Variants in DNM2 observed in about 807,000 individuals in gnomAD.
The protein encoded by DNM2 is dynamin-2.
A neutral mutation model predicts 99.0 loss-of-function variants in DNM2; 15 were observed. That is an observed-to-expected ratio of 0.15 (90% CI 0.10 to 0.23). DNM2 has a LOEUF of 0.23. Among genes scored for constraint, DNM2 ranks in the 10% least tolerant of loss-of-function variants. DNM2 has a pLI of 1.00. For missense variants in DNM2, 742 were observed against 1,189.4 expected (o/e 0.62, Z 5.53); for synonymous variants, 525 against 481.2 (o/e 1.09, Z -1.19).
At chr19:10,757,306 G>A (rs2070425492) in intron 1 of DNM2, among the ~76,000 whole-genome samples, 1 of 152,214 alleles carries the variant, frequency 6.6e-6, no homozygotes, top group South Asian at 2.1e-4. Flanking sequence ...AGAAGTGGTG[G>A]GACAGCCCCC....
chr19:10,797,535 T>G lies in DNM2; in HGVS notation c.1335+17T>G. 1 of 1,613,940 alleles carries G rather than the reference T, an allele frequency of 6.2e-7. No homozygotes were observed. The highest frequency in any genetic ancestry group is 1.1e-5 in the South Asian group (1 of 91,080). ...GCCGAGAAGGTAACAGGTTTTGTTC[T>G]CATCTCCGCATTTGTCCCCGTCCTC... On this transcript the variant is annotated intron_variant, in intron 10 of 20. Coordinates refer to ENST00000389253, the MANE Select transcript of DNM2 (RefSeq NM_001005361.3).
rs765065701 is a variant in DNM2, at chr19:10,817,497, G to A, written c.1672-2483G>A. ...CAGGTAGTCTGAACACTGGGTTGGC[G>A]GGGCCGGCTATCCATCCTGCAGAAC... is the stretch of plus-strand genomic sequence containing the variant. On this transcript the variant is annotated intron_variant, in intron 15 of 20. Coordinates refer to ENST00000389253, the MANE Select transcript of DNM2 (RefSeq NM_001005361.3). This position sits in a 1 kb window ranked among gnomAD's most constrained non-coding sequence, Gnocchi z 4.6. The A allele has an allele frequency of 1.7e-5, 8 of 460,200 alleles. No homozygotes were observed. Among genetic ancestry groups the A allele is most frequent in the African/African-American group, 6.2e-5 (3 of 48,486 alleles). The allele number at this position is 460,200 out of a possible 1,614,324, so 28.5% of individuals were successfully genotyped here. A position where few individuals can be genotyped will look rare whatever the true frequency, so the allele number is the denominator to read the frequency against.
chr19:10,795,246 T>G lies in DNM2; in HGVS notation c.1129-126T>G. ...AGTTTTCAATTTTTTAAATAAAATT[T>G]TGACGAGTTAAATATTCTGCCTTGT... On this transcript the variant is annotated intron_variant, in intron 8 of 20. Transcript: ENST00000389253. This position sits in a 1 kb window ranked among gnomAD's most constrained non-coding sequence, Gnocchi z 4.2. The G allele has an allele frequency of 1.1e-6, 1 of 893,708 alleles. No homozygotes were observed. Among genetic ancestry groups the G allele is most frequent in the Non-Finnish European group, 1.8e-6 (1 of 546,150 alleles). 55.4% of individuals were successfully genotyped at this position (893,708 alleles called of 1,614,324 possible). A position where few individuals can be genotyped will look rare whatever the true frequency, so the allele number is the denominator to read the frequency against.
chr19:10,749,464 G>C (rs1371462629), intron 1 of DNM2, among the ~76,000 whole-genome samples: 1 of 152,206 alleles, frequency 6.6e-6, no homozygotes, highest in Non-Finnish European at 1.5e-5. Flanking sequence ...CCACTTTAGA[G>C]CTCTGAAACC....
At chr19:10,786,279 C>T in intron 6 of DNM2, among the ~76,000 whole-genome samples, 1 of 152,246 alleles carries the variant, frequency 6.6e-6, no homozygotes, top group African/African-American at 2.4e-5. Flanking sequence ...ACTGTCCTTG[C>T]AAGCTGTTGC....
At chr19:10,748,453 G>A (rs1400198816) in intron 1 of DNM2, among the ~76,000 whole-genome samples, 1 of 152,200 alleles carries the variant, frequency 6.6e-6, no homozygotes, top group African/African-American at 2.4e-5. Flanking sequence ...CAGGGATGCA[G>A]TGGCACCTAC....
intron 12 of DNM2, chr19:10,803,805 T>A: frequency 3.4e-6 from 2 of 587,592 alleles, no homozygotes; most frequent in Non-Finnish European, 4.3e-6. Flanking sequence ...CCAGGGCCAG[T>A]GCTGGGCCTC....
At chr19:10,787,595 G>A (rs940766611) in intron 7 of DNM2, among the ~76,000 whole-genome samples, 2 of 144,186 alleles carry the variant, frequency 1.4e-5, no homozygotes, top group Admixed American at 1.4e-4. Context: ...TCTACTCAAC[G>A]TACAAAAAAA....
intron 15 of DNM2, 96 bp from the exon 16 acceptor site, chr19:10,819,884 C>G: frequency 1.8e-6 from 2 of 1,135,838 alleles, no homozygotes; most frequent in Non-Finnish European, 2.7e-6. Flanking sequence ...GAGAAGCCCC[C>G]GGGGCTGGTG....
rs1228509945 is a variant in DNM2, at chr19:10,817,806, T to C, written c.1672-2174T>C. Among the ~76,000 whole-genome samples, 7 of 133,182 alleles carry C rather than the reference T, an allele frequency of 5.3e-5. No individual in the cohort carries two copies. Among genetic ancestry groups the C allele is most frequent in the Non-Finnish European group, 1.0e-4 (6 of 59,614 alleles). The allele number at this position is 133,182 out of a possible 152,430, so 87.4% of individuals were successfully genotyped here. ...GAGGAGGGGCGCACACACACGTGTG[T>C]GTGTGTGTGTGCGCGCGCGCGCACG... On this transcript the variant is annotated intron_variant, in intron 15 of 20. Transcript: ENST00000389253. The surrounding 1 kb of genome is among the most constrained non-coding windows in gnomAD (Gnocchi z 4.6).
In DNM2 at chr19:10,786,612, C is replaced by T; in HGVS notation, c.898C>T (p.Leu300=). The change falls in exon 7 of 21, where the codon CTA becomes TTA. Residue 300 remains leucine (L), a synonymous_variant. Transcript: ENST00000389253. ...GTCGCTGCCGGCCCTACGTAGCAAA[C>T]TACAGAGCCAGCTGCTGTCCCTGGA... ...RESLPALRSK[L]QSQLLSLEKE... 6.2e-7 allele frequency: 1 copy of T among 1,614,162 alleles called. No individual in the cohort carries two copies. The highest frequency in any genetic ancestry group is 8.5e-7 in the Non-Finnish European group (1 of 1,180,030).
chr19:10,799,534 G>GTTTTT (rs897961120), intron 11 of DNM2, among the ~76,000 whole-genome samples: 1 of 106,520 alleles, frequency 9.4e-6, no homozygotes, highest in Non-Finnish European at 1.9e-5. Context: ...GTGGTTTTTT[G>GTTTTT]TTTTTTTTTT....
chr19:10,810,843 C>G (rs555720251), intron 14 of DNM2: 1 of 152,974 alleles, frequency 6.5e-6, no homozygotes, highest in Admixed American at 6.5e-5. Context: ...CCACCCCGCT[C>G]CCCCCGGGTG....
chr19:10,819,275 A>G (rs1299816963), intron 15 of DNM2, among the ~76,000 whole-genome samples: 1 of 152,174 alleles, frequency 6.6e-6, no homozygotes, highest in Admixed American at 6.5e-5. Flanking sequence ...ATAATAATAA[A>G]GAAAGGGAGT....
intron 16 of DNM2, among the ~76,000 whole-genome samples, chr19:10,822,493 T>C (rs977568182): frequency 6.6e-6 from 1 of 151,770 alleles, no homozygotes; most frequent in African/African-American, 2.4e-5. Context: ...GCCTAAACTT[T>C]ACAAAAATTT....
At chr19:10,755,000 G>A (rs966625944) in intron 1 of DNM2, 4 of 152,342 alleles carry the variant, frequency 2.6e-5, no homozygotes, top group African/African-American at 4.8e-5. Flanking sequence ...TCCATTTCCC[G>A]AAAGGGAACC....
chr19:10,757,174 G>C lies in DNM2; in HGVS notation c.162-2564G>C, dbSNP rs370031773. ...CCTGCTCTGCCAGCAGCGCCCCTGGGGGGTCTTCGTAGCCCTGTTGCCCAT... is the reference window on the plus strand; with the variant it reads ...CCTGCTCTGCCAGCAGCGCCCCTGGCGGGTCTTCGTAGCCCTGTTGCCCAT... On this transcript the variant is annotated intron_variant, in intron 1 of 20. Transcript: ENST00000389253. Among the ~76,000 whole-genome samples, 8 of 152,218 alleles carry C rather than the reference G, an allele frequency of 5.3e-5. No individual in the cohort carries two copies. The South Asian group carries it at 8.3e-4, about 16-fold the overall frequency.
intron 7 of DNM2, 152 bp downstream of exon 7, chr19:10,786,858 A>G: frequency 6.8e-7 from 1 of 1,464,594 alleles, no homozygotes; most frequent in Non-Finnish European, 9.2e-7. Context: ...GCTCCATCCT[A>G]AGCATGGCAT....
chr19:10,757,943 CAAAAA>C (rs762600168), intron 1 of DNM2, among the ~76,000 whole-genome samples: 1 of 65,418 alleles, frequency 1.5e-5, no homozygotes, highest in African/African-American at 4.8e-5. Flanking sequence ...AGCTCTGTCT[CAAAAA>C]AAAAAAAAAA....
Sources: gnomAD v4.1 joint callset for allele counts (sites outside exome capture counted in the v4.1 genomes callset) on GRCh38, gnomAD v4.1.1 for gene constraint, Gnocchi (gnomAD v3.1) non-coding constraint, MANE v1.5 for transcripts, NCBI Gene and HGNC (gene_info 2026-07-23, HGNC 2026-07-21) for gene names.